The following ZNF649 variants were observed in gnomAD, a reference collection of about 807,000 sequenced individuals.
The protein encoded by ZNF649 is zinc finger protein 649.
A neutral mutation model predicts 14.1 loss-of-function variants in ZNF649; 7 were observed. The ratio of observed to expected loss-of-function variants is 0.49; its 90% CI spans 0.28 to 0.93. The LOEUF (loss-of-function observed/expected upper bound fraction) is 0.93, where lower values mean the gene tolerates loss of function less well. Ranked by LOEUF, ZNF649 falls within the 40% of genes least tolerant of loss-of-function variation. The pLI is 0.10. For synonymous variants in ZNF649, 227 were observed against 212.3 expected (o/e 1.07, Z -0.60); for missense variants, 544 against 608.1 (o/e 0.89, Z 1.11).
At chr19:51,894,496 C>CA (rs1281817605) in intron 4 of ZNF649, among the ~76,000 whole-genome samples, 2 of 152,176 alleles carry the variant, frequency 1.3e-5, no homozygotes, top group African/African-American at 4.8e-5. Flanking sequence ...AACTTCTTGT[C>CA]ATATGTCTTC....
rs112430046 is a variant in ZNF649, at chr19:51,897,371, C to A, written c.16-393G>T. Among the ~76,000 whole-genome samples, 1,049 of 152,296 alleles carry A rather than the reference C, an allele frequency of 6.9e-3. 14 individuals carry two copies. Among genetic ancestry groups the A allele is most frequent in the African/African-American group, 0.024 (1,000 of 41,554 alleles). ...TATTTTATAATAACCATGCAGCCAT[C>A]CATTAATCCAACAAATCATAAGTTT... On this transcript the variant is annotated intron_variant, in intron 2 of 4. Transcript: ENST00000354957.
In ZNF649 at chr19:51,891,884, A is replaced by G. The variant is rs2085025892; in HGVS notation, c.252T>C (p.Ala84=). The part of the protein sequence containing the change: ...HSPAHPEIEK[A]DDHLQQPLQN... ...GCAAGGGCTGCTGCAGATGATCATC[A>G]GCTTTCTCAATTTCTAAGAGAGAGA... The change falls in exon 5 of 5, where the codon GCT becomes GCC. Residue 84 remains alanine (A), a synonymous_variant. Transcript: ENST00000354957. The surrounding 1 kb of genome is among the most constrained non-coding windows in gnomAD (Gnocchi z 4.2). The G allele has an allele frequency of 1.9e-6, 3 of 1,560,196 alleles. No individual in the cohort carries two copies. The highest frequency in any genetic ancestry group is 2.5e-5 in the South Asian group (2 of 81,276).
chr19:51,891,728 T>A lies in ZNF649; in HGVS notation c.408A>T (p.Gly136=). ...GTTCATGATTATCATGGAGAAAAGC[T>A]CCATCTCCATTAAACTCAGCAGGCT... ...RKEPAEFNGD[G]AFLHDNHEQM... Residue 136 remains glycine (G), a synonymous_variant, in exon 5 of 5, where the codon GGA becomes GGT. Transcript: ENST00000354957. This position sits in a 1 kb window ranked among gnomAD's most constrained non-coding sequence, Gnocchi z 4.2. The A allele has an allele frequency of 6.2e-7, 1 of 1,613,554 alleles. No individual in the cohort carries two copies. Among genetic ancestry groups the A allele is most frequent in the Non-Finnish European group, 8.5e-7 (1 of 1,179,906 alleles).
chr19:51,903,552 C>G (rs1196259741), intron 1 of ZNF649, among the ~76,000 whole-genome samples: 2 of 152,220 alleles, frequency 1.3e-5, no homozygotes, highest in Admixed American at 1.3e-4. Flanking sequence ...GGCGCGATGG[C>G]TCATGCCTAT....
intron 1 of ZNF649, among the ~76,000 whole-genome samples, chr19:51,901,519 C>T (rs982751259): frequency 2.0e-5 from 3 of 152,154 alleles, no homozygotes; most frequent in Non-Finnish European, 4.4e-5. Flanking sequence ...GTGGCTCATG[C>T]ATGTAATCCC....
Position 51,890,931 on chromosome 19 carries a change from T to C in ZNF649, c.1205A>G (p.Tyr402Cys), listed in dbSNP as rs781572221. 3 of 1,614,154 alleles carry C rather than the reference T, an allele frequency of 1.9e-6. No homozygotes were observed. Among genetic ancestry groups the C allele is most frequent in the African/African-American group, 2.7e-5 (2 of 75,064 alleles). Reference protein sequence around the residue: ...HQKIHSGEKPYKCSDCGKAFL... With the variant: ...HQKIHSGEKPCKCSDCGKAFL... ...GGCTTTCCCACAGTCACTGCATTTA[T>C]AGGGTTTCTCTCCTGAGTGAATTTT... The change falls in exon 5 of 5, where the codon TAT (tyrosine) becomes TGT (cysteine). Residue 402 changes from tyrosine (Y) to cysteine (C), a missense_variant. By Grantham distance (194) the Tyr-to-Cys change is radical (BLOSUM62 -2). Transcript: ENST00000354957.
In ZNF649 at chr19:51,891,382, G is replaced by T. The variant is rs781003030; in HGVS notation, c.754C>A (p.His252Asn). ...AFYKRYRLTE[H>N]ERAHKGEKPY... is the part of the protein sequence containing the mutation. ...TTCTCTCCTTTGTGAGCTCTCTCGT[G>T]TTCAGTGAGCCTGTACCTCTTGTAG... is the stretch of plus-strand genomic sequence containing the variant. The change falls in exon 5 of 5, where the codon CAC becomes AAC. Residue 252 changes from histidine (H) to asparagine (N), a missense_variant. Physicochemically the swap from His to Asn is moderately conservative, Grantham distance 68 (BLOSUM62 1). Coordinates refer to ENST00000354957, the MANE Select transcript of ZNF649 (RefSeq NM_023074.4). This position sits in a 1 kb window ranked among gnomAD's most constrained non-coding sequence, Gnocchi z 4.2. 3.8e-5 allele frequency: 61 copies of T among 1,614,104 alleles called. No homozygotes were observed. The highest frequency in any genetic ancestry group is 5.0e-5 in the Non-Finnish European group (59 of 1,179,922).
intron 3 of ZNF649, 116 bp downstream of exon 3, chr19:51,896,736 G>A (rs780970866): frequency 1.1e-4 from 177 of 1,602,884 alleles, no homozygotes; most frequent in Admixed American, 1.7e-4. Context: ...GACCAGAGAC[G>A]GGCCTGAGGA....
At chr19:51,904,457 A>C (rs374130889) in intron 1 of ZNF649, among the ~76,000 whole-genome samples, 166 of 151,936 alleles carry the variant, frequency 1.1e-3, no homozygotes, top group African/African-American at 3.9e-3. Context: ...GGCTTGTAAA[A>C]TACCAGATTT....
At chr19:51,904,460 C>G (rs1599891341) in intron 1 of ZNF649, among the ~76,000 whole-genome samples, 1 of 151,858 alleles carries the variant, frequency 6.6e-6, no homozygotes, top group East Asian at 1.9e-4. Flanking sequence ...TTGTAAAATA[C>G]CAGATTTTAC....
chr19:51,894,874 A>G lies in ZNF649; in HGVS notation c.238+1598T>C, dbSNP rs540875313. 4.6e-5 allele frequency among the ~76,000 whole-genome samples: 7 copies of G among 152,080 alleles called. No individual in the cohort carries two copies. In the South Asian group the frequency reaches 1.3e-3, roughly 27 times the overall value. The stretch of plus-strand genomic sequence containing the variant: ...ATGTAAAGACACGCCCAGGCCCCCA[A>G]CTCAATTCTAACAAAACCAGACTCA... On this transcript the variant is annotated intron_variant, in intron 4 of 4. Transcript: ENST00000354957.
Position 51,890,853 on chromosome 19 carries a change from C to A in ZNF649, c.1283G>T (p.Arg428Ile). The A allele has an allele frequency of 6.2e-7, 1 of 1,614,196 alleles. No homozygotes were observed. Among genetic ancestry groups the A allele is most frequent in the East Asian group, 2.2e-5 (1 of 44,884 alleles). The change falls in exon 5 of 5, where the codon AGA (arginine) becomes ATA (isoleucine). Residue 428 changes from arginine to isoleucine, a missense_variant. Physicochemically the swap from Arg to Ile is moderately conservative, Grantham distance 97. Coordinates refer to ENST00000354957, the MANE Select transcript of ZNF649 (RefSeq NM_023074.4). ...IVHHRTHTGE[R>I]PYGCDECEKA... ...CTCACACTCATCACAGCCATAGGGT[C>A]TCTCTCCCGTGTGAGTTCTGTGATG...
chr19:51,900,940 A>C lies in ZNF649; in HGVS notation c.-187-646T>G, dbSNP rs573530937. ...CTCACAACACTCAGTCTATAATTAT[A>C]TTCATGGCAACCACTTATTACTGTG... On this transcript the variant is annotated intron_variant, in intron 1 of 4. Transcript: ENST00000354957. Among the ~76,000 whole-genome samples, 37 of 152,338 alleles carry C rather than the reference A, an allele frequency of 2.4e-4. No homozygotes were observed. The South Asian group carries it at 7.1e-3, about 29-fold the overall frequency.
intron 3 of ZNF649, 104 bp downstream of exon 3, chr19:51,896,748 C>T: frequency 6.2e-7 from 1 of 1,610,562 alleles, no homozygotes; most frequent in Non-Finnish European, 8.5e-7. Flanking sequence ...GCCTGAGGAT[C>T]TGCCATTTGG....
intron 2 of ZNF649, chr19:51,899,740 A>G (rs753555867): frequency 4.3e-6 from 1 of 231,256 alleles, no homozygotes; most frequent in African/African-American, 2.2e-5. Context: ...AAATACTGAC[A>G]TCCCCTGAGG....
At chr19:51,903,056 G>A (rs1266505409) in intron 1 of ZNF649, among the ~76,000 whole-genome samples, 2 of 152,030 alleles carry the variant, frequency 1.3e-5, no homozygotes, top group East Asian at 1.9e-4. Flanking sequence ...ATATTACGAA[G>A]GATACAGATG....
Position 51,891,964 on chromosome 19 carries a change from TG to T in ZNF649, c.239-68del. On this transcript the variant is annotated intron_variant, in intron 4 of 4. Transcript: ENST00000354957. This position sits in a 1 kb window ranked among gnomAD's most constrained non-coding sequence, Gnocchi z 4.2. ...GAATAAAACTGCTTCAAAGATGCCT[TG>T]GGGTTGGCTGGCTTTTTACTGGAAC... 3.4e-6 allele frequency: 5 copies of T among 1,485,024 alleles called. No homozygotes were observed. 92.0% of individuals were successfully genotyped at this position (1,485,024 alleles called of 1,614,324 possible).
chr19:51,892,103 C>G (rs962636311), intron 4 of ZNF649, among the ~76,000 whole-genome samples: 2 of 152,106 alleles, frequency 1.3e-5, no homozygotes, highest in African/African-American at 2.4e-5. Context: ...CAGCTGGGTG[C>G]GGTGGCTTAT....
chr19:51,891,322 G>C lies in ZNF649; in HGVS notation c.814C>G (p.Pro272Ala). 6.2e-7 allele frequency: 1 copy of C among 1,614,100 alleles called. No individual in the cohort carries two copies. ...TGTTCAGTAAGCTCAGATTTCCTGG[G>C]GAAGGCTTTCCCACATTCACTGCAC... Reference protein sequence around the residue: ...YGCSECGKAFPRKSELTEHQR... With the variant: ...YGCSECGKAFARKSELTEHQR... Residue 272 changes from proline to alanine, a missense_variant, in exon 5 of 5, where the codon CCC (proline) becomes GCC (alanine). By Grantham distance (27) the Pro-to-Ala change is conservative (BLOSUM62 -1). Transcript: ENST00000354957. The surrounding 1 kb of genome is among the most constrained non-coding windows in gnomAD (Gnocchi z 4.2).
Sources: allele counts gnomAD v4.1 joint callset (sites outside exome capture counted in the v4.1 genomes callset), GRCh38; gene constraint gnomAD v4.1.1; non-coding constraint Gnocchi (gnomAD v3.1); transcripts MANE v1.5; gene names NCBI Gene and HGNC (gene_info 2026-07-23, HGNC 2026-07-21).